The following ASAP2 variants were observed in gnomAD, a reference collection of about 807,000 sequenced individuals.
The protein encoded by ASAP2 is arf-GAP with SH3 domain, ANK repeat and PH domain-containing protein 2.
In ASAP2, 45 loss-of-function variants were observed where a neutral mutation model predicts 131.4. That is an observed-to-expected ratio of 0.34 (90% confidence interval 0.27 to 0.44). The LOEUF is 0.44. ASAP2 is among the 20% of genes least tolerant of loss of function. ASAP2 has a pLI of 1.00. For synonymous variants in ASAP2, 510 were observed against 503.0 expected (o/e 1.01, Z -0.19); for missense variants, 1,011 against 1,297.0 (o/e 0.78, Z 3.39).
chr2:9,344,840 G>C, intron 11 of ASAP2, 40 bp downstream of exon 11: 1 of 1,571,004 alleles, frequency 6.4e-7, no homozygotes. Flanking sequence ...TGCTGTATTA[G>C]GTGAGGTTGG....
At chr2:9,279,266 G>A in intron 1 of ASAP2, 51 bp from the exon 2 acceptor site, 2 of 1,562,518 alleles carry the variant, frequency 1.3e-6, no homozygotes, top group Admixed American at 1.7e-5. Flanking sequence ...CTCGCTGCTA[G>A]CGTGGTCTCA....
chr2:9,347,495 A>G (rs897900568), intron 11 of ASAP2, among the ~76,000 whole-genome samples: 1 of 152,230 alleles, frequency 6.6e-6, no homozygotes, highest in Non-Finnish European at 1.5e-5. Flanking sequence ...AGCCTGGCAC[A>G]TAGCTGCGAA....
rs899924415 is a variant in ASAP2 at position 9,392,960 on chromosome 2, G to A, written c.2519-522G>A. 4.6e-5 allele frequency among the ~76,000 whole-genome samples: 7 copies of A among 152,274 alleles called. No homozygotes were observed. The highest frequency in any genetic ancestry group is 3.9e-4 in the East Asian group (2 of 5,178). The stretch of plus-strand genomic sequence containing the variant: ...GCCTCAGCCTCCTTGTCTGTAAAAC[G>A]TAGACACTAAGAAAGCTCTTCACCC... On this transcript the variant is annotated intron_variant, in intron 23 of 27. Coordinates refer to ENST00000281419, the MANE Select transcript of ASAP2 (RefSeq NM_003887.3). The surrounding 1 kb of genome is among the most constrained non-coding windows in gnomAD (Gnocchi z 4.0).
chr2:9,292,551 A>AAAAT lies in ASAP2; in HGVS notation c.200-4748_200-4747insAATA, dbSNP rs1667884901. On this transcript the variant is annotated intron_variant, in intron 2 of 27. Coordinates refer to ENST00000281419, the MANE Select transcript of ASAP2 (RefSeq NM_003887.3). Reference sequence around the variant, plus strand: ...AACAAAAACAAAAGAAAAACAGAGAAAGTATTAACAGTGGGAACACATAGG... The same window carrying AAAAT: ...AACAAAAACAAAAGAAAAACAGAGAAAAATAGTATTAACAGTGGGAACACATAGG... 2.0e-5 allele frequency among the ~76,000 whole-genome samples: 3 copies of AAAAT among 152,134 alleles called. No individual in the cohort carries two copies. In the South Asian group the frequency reaches 6.2e-4, roughly 32 times the overall value.
At chr2:9,394,159 C>CTTTTTTTTT (rs71389241) in intron 24 of ASAP2, among the ~76,000 whole-genome samples, 4 of 81,780 alleles carry the variant, frequency 4.9e-5, no homozygotes, top group Non-Finnish European at 6.8e-5. Context: ...TAGTTTGTGG[C>CTTTTTTTTT]TTTTTTTTTT....
chr2:9,361,709 A>G (rs546300373), intron 15 of ASAP2, among the ~76,000 whole-genome samples: 1 of 152,094 alleles, frequency 6.6e-6, no homozygotes, highest in African/African-American at 2.4e-5. Context: ...CTGAGACTAC[A>G]GGCAAGTGCT....
chr2:9,390,468 A>G (rs1343893130), intron 22 of ASAP2, among the ~76,000 whole-genome samples: 1 of 152,244 alleles, frequency 6.6e-6, no homozygotes, highest in Non-Finnish European at 1.5e-5. Context: ...GTGAGGCAGA[A>G]GAAGGGCTTG....
At chr2:9,310,328 T>C (rs73155689) in intron 3 of ASAP2, among the ~76,000 whole-genome samples, 248 of 152,324 alleles carry the variant, frequency 1.6e-3, no homozygotes, top group African/African-American at 5.7e-3. Context: ...CCTTTGGCCA[T>C]ATTGTATATT....
chr2:9,334,550 C>T (rs530643555), intron 7 of ASAP2, among the ~76,000 whole-genome samples, 188 bp from the exon 8 acceptor site: 61 of 152,226 alleles, frequency 4.0e-4, no homozygotes, highest in African/African-American at 1.4e-3. Flanking sequence ...CTTTTCTGTT[C>T]GCTCCTGCTA....
intron 1 of ASAP2, among the ~76,000 whole-genome samples, chr2:9,209,889 A>G (rs547625485): frequency 6.6e-6 from 1 of 152,374 alleles, no homozygotes; most frequent in South Asian, 2.1e-4. Context: ...TTTTAAACTG[A>G]TTAACCTTTT....
intron 9 of ASAP2, among the ~76,000 whole-genome samples, chr2:9,335,406 G>A (rs1013032407): frequency 1.3e-5 from 2 of 152,104 alleles, no homozygotes; most frequent in Non-Finnish European, 2.9e-5. Context: ...CCTTAATGGC[G>A]GTGTATAAAC....
chr2:9,256,857 A>G (rs1221338476), intron 1 of ASAP2, among the ~76,000 whole-genome samples: 3 of 152,210 alleles, frequency 2.0e-5, no homozygotes, highest in Admixed American at 6.5e-5. Flanking sequence ...GAGAGTCAGT[A>G]TGACTGTCTC....
chr2:9,279,028 A>G (rs1223737743), intron 1 of ASAP2, among the ~76,000 whole-genome samples: 1 of 152,186 alleles, frequency 6.6e-6, no homozygotes, highest in Non-Finnish European at 1.5e-5. Context: ...CACGTCCAGC[A>G]GGTGCTGTGG....
chr2:9,287,310 G>A (rs1333055645), intron 2 of ASAP2, among the ~76,000 whole-genome samples: 8 of 152,256 alleles, frequency 5.3e-5, no homozygotes, highest in South Asian at 4.1e-4. Flanking sequence ...GAGCCAGTAC[G>A]TGGCACATGC....
chr2:9,337,576 A>G (rs578152742), intron 9 of ASAP2, among the ~76,000 whole-genome samples: 34 of 152,344 alleles, frequency 2.2e-4, no homozygotes, highest in African/African-American at 7.9e-4. Context: ...ATTAAGTAAC[A>G]TGCCCCAAAG....
At chr2:9,379,115 T>C in intron 19 of ASAP2, 56 bp downstream of exon 19, 2 of 1,289,936 alleles carry the variant, frequency 1.6e-6, no homozygotes, top group South Asian at 1.7e-5. Flanking sequence ...CTCTGCCTCC[T>C]GTCTGCCATC....
At chr2:9,299,303 T>C (rs6743955) in intron 3 of ASAP2, among the ~76,000 whole-genome samples, 53,247 of 151,888 alleles carry the variant, frequency 0.35, 9,622 homozygotes, top group African/African-American at 0.41. Context: ...ATCAGAATGG[T>C]GGTGAACTTC....
intron 7 of ASAP2, among the ~76,000 whole-genome samples, chr2:9,330,368 C>T (rs1286662505): frequency 6.6e-6 from 1 of 152,144 alleles, no homozygotes; most frequent in Non-Finnish European, 1.5e-5. Flanking sequence ...CTAAGAAAGG[C>T]ATACCCATGG....
intron 5 of ASAP2, among the ~76,000 whole-genome samples, chr2:9,320,856 G>A (rs1447091484): frequency 6.6e-6 from 1 of 152,186 alleles, no homozygotes; most frequent in Non-Finnish European, 1.5e-5. Flanking sequence ...ATTCTTGGAT[G>A]TGAACTACGG....
Sources: gnomAD v4.1 joint callset for allele counts (sites outside exome capture counted in the v4.1 genomes callset) on GRCh38, gnomAD v4.1.1 for gene constraint, Gnocchi (gnomAD v3.1) non-coding constraint, MANE v1.5 for transcripts, NCBI Gene and HGNC (gene_info 2026-07-23, HGNC 2026-07-21) for gene names.